The following BCAS3 variants were observed in gnomAD, a reference collection of about 807,000 sequenced individuals.
BCAS3 encodes BCAS3 microtubule associated cell migration factor.
Under a neutral mutation model 116.1 loss-of-function variants are expected in BCAS3, and 53 were observed. The ratio of observed to expected loss-of-function variants is 0.46; its 90% CI spans 0.37 to 0.57. The LOEUF (loss-of-function observed/expected upper bound fraction) is 0.57, where lower values mean the gene tolerates loss of function less well. Among genes scored for constraint, BCAS3 ranks in the 20% least tolerant of loss-of-function variants. The pLI is 0.00. For synonymous variants in BCAS3, 391 were observed against 408.2 expected (o/e 0.96, Z 0.51); for missense variants, 917 against 1,165.4 (o/e 0.79, Z 3.10).
At chr17:60,878,759 A>G (rs2055850864) in intron 9 of BCAS3, among the ~76,000 whole-genome samples, 1 of 152,178 alleles carries the variant, frequency 6.6e-6, no homozygotes, top group South Asian at 2.1e-4. Flanking sequence ...AAATTTATGC[A>G]TATGACATAT....
At position 61,256,788 on chromosome 17, in the gene BCAS3, A is replaced by C. The variant is rs2048814397; in HGVS notation, c.2426-111539A>C. Among the ~76,000 whole-genome samples the C allele has an allele frequency of 6.6e-6, 1 of 152,140 alleles. No individual in the cohort carries two copies. Among genetic ancestry groups the C allele is most frequent in the East Asian group, 1.9e-4 (1 of 5,194 alleles). On this transcript the variant is annotated intron_variant, in intron 22 of 23. Coordinates refer to ENST00000407086, the MANE Select transcript of BCAS3 (RefSeq NM_017679.5). The surrounding 1 kb of genome is among the most constrained non-coding windows in gnomAD (Gnocchi z 5.6). ...ACCTGAGGCTTTCAGGGTTGTTGGT[A>C]TGCCATGGCACAAGGACCCAAAGTG... is the stretch of plus-strand genomic sequence containing the variant.
At chr17:60,987,616 A>G (rs1427007372) in intron 14 of BCAS3, among the ~76,000 whole-genome samples, 1 of 151,892 alleles carries the variant, frequency 6.6e-6, no homozygotes, top group Non-Finnish European at 1.5e-5. Flanking sequence ...TACTTTGTAA[A>G]TTTCTTTTTC....
In BCAS3 at chr17:61,219,630, A is replaced by G. The variant is rs746503316; in HGVS notation, c.2425+135066A>G. On this transcript the variant is annotated intron_variant, in intron 22 of 23. Coordinates refer to ENST00000407086, the MANE Select transcript of BCAS3 (RefSeq NM_017679.5). The surrounding 1 kb of genome is among the most constrained non-coding windows in gnomAD (Gnocchi z 5.2). ...CTGACAACATCAGAAGTGTTTTAAC[A>G]GGGTTTTAATGGGCAGCCTCTGTAG... 1.4e-4 allele frequency among the ~76,000 whole-genome samples: 22 copies of G among 152,220 alleles called. No homozygotes were observed. Among genetic ancestry groups the G allele is most frequent in the Non-Finnish European group, 2.8e-4 (19 of 68,042 alleles).
intron 22 of BCAS3, among the ~76,000 whole-genome samples, chr17:61,246,455 G>A (rs1938524302): frequency 8.2e-6 from 1 of 121,720 alleles, no homozygotes; most frequent in Non-Finnish European, 1.6e-5. Flanking sequence ...CTGGGTAACA[G>A]AGCAAGACTG....
intron 22 of BCAS3, among the ~76,000 whole-genome samples, chr17:61,120,965 A>G (rs2075759763): frequency 6.6e-6 from 1 of 151,856 alleles, no homozygotes; most frequent in South Asian, 2.1e-4. Flanking sequence ...ATCTTATAGC[A>G]TTTCCCACAG....
chr17:60,927,445 C>T (rs373227258), intron 13 of BCAS3, among the ~76,000 whole-genome samples: 12 of 151,906 alleles, frequency 7.9e-5, no homozygotes, highest in East Asian at 1.9e-4. Flanking sequence ...TTAGTAGAGA[C>T]GGGGTTTCAC....
intron 14 of BCAS3, among the ~76,000 whole-genome samples, chr17:60,953,719 A>G (rs1599935204): frequency 7.9e-6 from 1 of 126,610 alleles, no homozygotes; most frequent in African/African-American, 5.1e-5. Flanking sequence ...TTGAGTCTTT[A>G]ATTCATCTTG....
At chr17:61,147,258 T>C (rs560980417) in intron 22 of BCAS3, among the ~76,000 whole-genome samples, 1 of 152,234 alleles carries the variant, frequency 6.6e-6, no homozygotes, top group South Asian at 2.1e-4. Context: ...GTATTTTTAG[T>C]AGAGACGGGG....
In BCAS3 at chr17:61,379,437, G is replaced by T. The variant is rs2059494177; in HGVS notation, c.2593+10943G>T. 1 of 152,148 alleles carries T rather than the reference G, an allele frequency of 6.6e-6. No individual in the cohort carries two copies. The highest frequency in any genetic ancestry group is 2.4e-5 in the African/African-American group (1 of 41,410). The allele number at this position is 152,148 out of a possible 1,614,324, so 9.4% of individuals were successfully genotyped here. On this transcript the variant is annotated intron_variant, in intron 23 of 23. Coordinates refer to ENST00000407086, the MANE Select transcript of BCAS3 (RefSeq NM_017679.5). This position sits in a 1 kb window ranked among gnomAD's most constrained non-coding sequence, Gnocchi z 5.5. Reference sequence around the variant, plus strand: ...GACCCTCTGACCCTTTAGGAATCCAGAATCTTGGCTCCTAGAAGCCATAGA... The same window carrying T: ...GACCCTCTGACCCTTTAGGAATCCATAATCTTGGCTCCTAGAAGCCATAGA...
chr17:60,919,706 T>C (rs1415040429), intron 12 of BCAS3, among the ~76,000 whole-genome samples: 1 of 152,008 alleles, frequency 6.6e-6, no homozygotes, highest in African/African-American at 2.4e-5. Context: ...CAAGGTATTT[T>C]TAAATTGGTA....
chr17:60,789,231 T>G (rs1057289832), intron 6 of BCAS3, among the ~76,000 whole-genome samples: 1 of 152,222 alleles, frequency 6.6e-6, no homozygotes, highest in African/African-American at 2.4e-5. Context: ...TTTATTTGCC[T>G]CTGGGTCTAT....
intron 22 of BCAS3, among the ~76,000 whole-genome samples, chr17:61,322,794 CAGAGAGAG>C (rs35581770): frequency 0.042 from 4,180 of 99,688 alleles, 188 homozygotes; most frequent in African/African-American, 0.12. Flanking sequence ...GAGAGAGAGA[CAGAGAGAG>C]AGAGAGAGAG....
At chr17:61,262,970 G>C (rs976277209) in intron 22 of BCAS3, among the ~76,000 whole-genome samples, 1 of 152,206 alleles carries the variant, frequency 6.6e-6, no homozygotes, top group Non-Finnish European at 1.5e-5. Flanking sequence ...GGGATTACAG[G>C]CATGAGCCAC....
chr17:60,689,398 A>T (rs2034515978), intron 3 of BCAS3, among the ~76,000 whole-genome samples: 2 of 151,458 alleles, frequency 1.3e-5, no homozygotes, highest in African/African-American at 4.9e-5. Flanking sequence ...CTGGTCTTGA[A>T]CTCCTGGCCT....
intron 5 of BCAS3, among the ~76,000 whole-genome samples, chr17:60,725,370 C>G (rs1053999601): frequency 6.6e-6 from 1 of 152,156 alleles, no homozygotes; most frequent in African/African-American, 2.4e-5. Flanking sequence ...CACTCTAGCC[C>G]TTCTTGCTAA....
chr17:61,225,159 C>CTTTT (rs5821313), intron 22 of BCAS3, among the ~76,000 whole-genome samples: 21 of 142,280 alleles, frequency 1.5e-4, no homozygotes, highest in African/African-American at 3.1e-4. Context: ...ATCGCTCTGC[C>CTTTT]TTTTTTTTTT....
chr17:60,709,369 A>G (rs1231195338), intron 5 of BCAS3, 44 bp downstream of exon 5: 2 of 1,146,086 alleles, frequency 1.7e-6, no homozygotes, highest in Non-Finnish European at 2.6e-6. Flanking sequence ...ACTTCCCAGC[A>G]TGTTAGCTTA....
chr17:61,350,102 C>T (rs2057738481), intron 22 of BCAS3, among the ~76,000 whole-genome samples: 1 of 152,082 alleles, frequency 6.6e-6, no homozygotes, highest in Admixed American at 6.6e-5. Context: ...AGGGACCTCT[C>T]CTTTTTTGGG....
chr17:61,018,289 A>G (rs1331985380), intron 16 of BCAS3, among the ~76,000 whole-genome samples: 1 of 111,736 alleles, frequency 8.9e-6, no homozygotes, highest in Non-Finnish European at 1.8e-5. Context: ...CAAATTCCCC[A>G]GTTTTTTTTT....
Sources: gnomAD v4.1 joint callset for allele counts (sites outside exome capture counted in the v4.1 genomes callset) on GRCh38, gnomAD v4.1.1 for gene constraint, Gnocchi (gnomAD v3.1) non-coding constraint, MANE v1.5 for transcripts, NCBI Gene and HGNC (gene_info 2026-07-23, HGNC 2026-07-21) for gene names.